The following FOXJ3 variants were observed in gnomAD, a reference collection of about 807,000 sequenced individuals.
The protein encoded by FOXJ3 is forkhead box J3.
A neutral mutation model predicts 76.1 loss-of-function variants in FOXJ3; 22 were observed. The ratio of observed to expected loss-of-function variants is 0.29; its 90% confidence interval spans 0.21 to 0.41. The LOEUF is 0.41. FOXJ3 is among the 10% of genes least tolerant of loss of function. The pLI is 1.00. For synonymous variants in FOXJ3, 269 were observed against 261.2 expected, an observed-to-expected ratio of 1.03 and a Z score of -0.29; for missense variants, 613 against 762.1, an observed-to-expected ratio of 0.80 and a Z score of 2.30.
intron 3 of FOXJ3, among the ~76,000 whole-genome samples, chr1:42,267,002 T>C (rs1219845665): frequency 1.3e-5 from 2 of 152,002 alleles, no homozygotes; most frequent in East Asian, 3.9e-4. Context: ...TATAGGAAAC[T>C]ACCTTGGGCC....
At chr1:42,298,608 A>AACC (rs964681017) in intron 2 of FOXJ3, among the ~76,000 whole-genome samples, 4 of 152,080 alleles carry the variant, frequency 2.6e-5, no homozygotes, top group Non-Finnish European at 5.9e-5. Context: ...CCTTTCAAAG[A>AACC]ACCAACTTTT....
At chr1:42,295,258 T>C (rs1431480029) in intron 2 of FOXJ3, among the ~76,000 whole-genome samples, 1 of 152,180 alleles carries the variant, frequency 6.6e-6, no homozygotes, top group Non-Finnish European at 1.5e-5. Context: ...TTTCCATCTT[T>C]ATGTACATGC....
intron 5 of FOXJ3, among the ~76,000 whole-genome samples, chr1:42,216,071 C>T (rs1647058500): frequency 1.3e-5 from 2 of 152,070 alleles, no homozygotes; most frequent in African/African-American, 4.8e-5. Context: ...AAAATAAATA[C>T]ATTTTCAGGG....
intron 4 of FOXJ3, among the ~76,000 whole-genome samples, chr1:42,264,290 A>C (rs1398435110): frequency 6.6e-6 from 1 of 152,162 alleles, no homozygotes; most frequent in Non-Finnish European, 1.5e-5. Flanking sequence ...AGAAAGGCAG[A>C]TTGAGAAAAA....
At position 42,230,090 on chromosome 1, in the gene FOXJ3, T is replaced by C. The variant is rs768951942; in HGVS notation, c.445-2124A>G. ...AATAAATCAACAAAAGGGAAAAAAT[T>C]TGCCCATAGCCTACCTATCCACTAG... On this transcript the variant is annotated intron_variant, in intron 4 of 12. Transcript: ENST00000361346. 6.9e-4 allele frequency among the ~76,000 whole-genome samples: 105 copies of C among 152,254 alleles called. 1 individual carries two copies. Among genetic ancestry groups the C allele is most frequent in the African/African-American group, 2.0e-3 (84 of 41,560 alleles).
At chr1:42,314,544 G>A (rs535121415) in intron 1 of FOXJ3, among the ~76,000 whole-genome samples, 8 of 152,246 alleles carry the variant, frequency 5.3e-5, no homozygotes, top group Non-Finnish European at 8.8e-5. Flanking sequence ...GAGGCACCAC[G>A]CCCAGCCCTC....
At chr1:42,213,585 C>T (rs1335663846) in intron 5 of FOXJ3, among the ~76,000 whole-genome samples, 2 of 151,612 alleles carry the variant, frequency 1.3e-5, no homozygotes, top group East Asian at 3.9e-4. Context: ...TTCATAAAAT[C>T]ACTAGTACTA....
At chr1:42,290,094 G>A (rs1024901069) in intron 2 of FOXJ3, among the ~76,000 whole-genome samples, 1 of 152,058 alleles carries the variant, frequency 6.6e-6, no homozygotes, top group Non-Finnish European at 1.5e-5. Flanking sequence ...AAGTTCCTAT[G>A]CTGGAGGAGA....
intron 3 of FOXJ3, among the ~76,000 whole-genome samples, chr1:42,269,178 AT>A (rs1651693340): frequency 6.6e-6 from 1 of 152,314 alleles, no homozygotes; most frequent in Non-Finnish European, 1.5e-5. Context: ...GGGATAACTA[AT>A]AACAGAATTG....
At position 42,308,187 on chromosome 1, in the gene FOXJ3, C is replaced by G. The variant is rs568466773; in HGVS notation, c.44+2863G>C. Among the ~76,000 whole-genome samples, 5 of 152,288 alleles carry G rather than the reference C, an allele frequency of 3.3e-5. No homozygotes were observed. In the East Asian group the frequency reaches 9.6e-4, roughly 29 times the overall value. ...CTCCACCAACTCATTTGCTTCCTGT[C>G]TTGAGGTTAGCCACTTTCTAGATAT... is the stretch of plus-strand genomic sequence containing the variant. On this transcript the variant is annotated intron_variant, in intron 2 of 12. Coordinates refer to ENST00000361346, the MANE Select transcript of FOXJ3 (RefSeq NM_014947.5).
At chr1:42,320,890 A>C (rs1215657404) in intron 1 of FOXJ3, among the ~76,000 whole-genome samples, 4 of 152,178 alleles carry the variant, frequency 2.6e-5, no homozygotes, top group Non-Finnish European at 4.4e-5. Flanking sequence ...TGGATCCTGT[A>C]TCTTTATCTT....
intron 2 of FOXJ3, among the ~76,000 whole-genome samples, chr1:42,304,104 A>G (rs1436285678): frequency 6.6e-6 from 1 of 152,182 alleles, no homozygotes; most frequent in Non-Finnish European, 1.5e-5. Flanking sequence ...GAGTTTCTAT[A>G]TGCCAAGAGT....
chr1:42,185,252 ATTTTT>A (rs36007346), intron 11 of FOXJ3, among the ~76,000 whole-genome samples: 8 of 108,296 alleles, frequency 7.4e-5, no homozygotes, highest in African/African-American at 2.5e-4. Context: ...AACATACTGA[ATTTTT>A]TTTTTTTTTT....
In FOXJ3 at chr1:42,320,098, A is replaced by G. The variant is rs3768261; in HGVS notation, c.-17-8988T>C. 3.3e-3 allele frequency among the ~76,000 whole-genome samples: 495 copies of G among 152,274 alleles called. 9 individuals carry two copies. In the East Asian group the frequency reaches 0.047, roughly 14 times the overall value. ...AGGGGCAGGAAGAGACTAATAGAAG[A>G]TGAAAAAAAATCAGCTTCAGCTTTT... On this transcript the variant is annotated intron_variant, in intron 1 of 12. Transcript: ENST00000361346.
At chr1:42,206,449 G>A (rs1285762314) in intron 5 of FOXJ3, among the ~76,000 whole-genome samples, 2 of 152,098 alleles carry the variant, frequency 1.3e-5, no homozygotes, top group Non-Finnish European at 2.9e-5. Flanking sequence ...GAAAATACCG[G>A]AAAAACAGGA....
intron 4 of FOXJ3, among the ~76,000 whole-genome samples, chr1:42,232,026 C>T (rs569635760): frequency 2.2e-3 from 323 of 148,940 alleles, no homozygotes; most frequent in Middle Eastern, 3.6e-3. Flanking sequence ...TCAATTCCCA[C>T]CTATGAGTGA....
At chr1:42,291,635 T>C (rs537200075) in intron 2 of FOXJ3, among the ~76,000 whole-genome samples, 1 of 151,788 alleles carries the variant, frequency 6.6e-6, no homozygotes, top group African/African-American at 2.4e-5. Flanking sequence ...AACTCATCTC[T>C]AAAGAAAAAA....
intron 12 of FOXJ3, among the ~76,000 whole-genome samples, 171 bp downstream of exon 12, chr1:42,181,746 T>C (rs976796926): frequency 2.0e-5 from 3 of 152,110 alleles, no homozygotes; most frequent in Non-Finnish European, 2.9e-5. Context: ...CGCTTCTCAA[T>C]ATTAAACTCT....
intron 4 of FOXJ3, among the ~76,000 whole-genome samples, chr1:42,243,100 A>T (rs1304848308): frequency 6.6e-6 from 1 of 152,206 alleles, no homozygotes; most frequent in Non-Finnish European, 1.5e-5. Context: ...GTTACCCTGA[A>T]GCAAAATAAA....
Sources: gnomAD v4.1 joint callset for allele counts (sites outside exome capture counted in the v4.1 genomes callset) on GRCh38, gnomAD v4.1.1 for gene constraint, MANE v1.5 for transcripts, NCBI Gene and HGNC (gene_info 2026-07-23, HGNC 2026-07-21) for gene names.